TECRL: variants seen among roughly 807,000 people sequenced by gnomAD.
TECRL encodes trans-2,3-enoyl-CoA reductase like, also known as trans-2,3-enoyl-CoA reductase-like.
TECRL carries 63 observed loss-of-function variants against 52.8 expected under a neutral mutation model. The ratio of observed to expected loss-of-function variants is 1.19; its 90% CI spans 0.97 to 1.47. TECRL has a LOEUF of 1.47. TECRL is among the 40% of genes most tolerant of loss of function. TECRL has a pLI of 0.00. For synonymous variants in TECRL, 164 were observed against 141.9 expected (o/e 1.16, Z -1.10); for missense variants, 482 against 429.6 (o/e 1.12, Z -1.08).
intron 1 of TECRL, among the ~76,000 whole-genome samples, chr4:64,407,013 CAA>C (rs60278070): frequency 0.035 from 5,289 of 149,144 alleles, 112 homozygotes; most frequent in Non-Finnish European, 0.049. Flanking sequence ...AATTACTAAG[CAA>C]AAAAAAAAAA....
At chr4:64,298,932 C>A (rs1441483300) in intron 8 of TECRL, 3 of 151,102 alleles carry the variant, frequency 2.0e-5, no homozygotes, top group African/African-American at 7.3e-5. Context: ...AACGCTGTTA[C>A]AACACGTGAA....
chr4:64,335,222 TACTC>T (rs886542780), intron 2 of TECRL, among the ~76,000 whole-genome samples: 21 of 152,130 alleles, frequency 1.4e-4, no homozygotes, highest in Admixed American at 3.3e-4. Context: ...CATTCCCCAT[TACTC>T]ACATTACCGT....
At chr4:64,374,340 C>CT (rs1477526547) in intron 2 of TECRL, among the ~76,000 whole-genome samples, 2 of 150,068 alleles carry the variant, frequency 1.3e-5, no homozygotes, top group East Asian at 2.0e-4. Context: ...TTTCTATATT[C>CT]TTTTTTTTCT....
intron 9 of TECRL, 141 bp downstream of exon 9, chr4:64,289,569 T>C (rs2109945939): frequency 1.5e-6 from 1 of 657,790 alleles, no homozygotes; most frequent in East Asian, 3.3e-5. Context: ...TTGGAAAAAC[T>C]AGACATAAAA....
At chr4:64,404,287 A>G (rs1387626726) in intron 1 of TECRL, among the ~76,000 whole-genome samples, 2 of 151,300 alleles carry the variant, frequency 1.3e-5, no homozygotes, top group Non-Finnish European at 2.9e-5. Flanking sequence ...GAAAAGATTG[A>G]AGAAAATAGA....
downstream of TECRL, chr4:64,276,710 C>A (rs916773145): frequency 2.2e-5 from 4 of 184,536 alleles, no homozygotes; most frequent in South Asian, 5.9e-4. Flanking sequence ...TGGCAAAAAA[C>A]CATGAATATG....
Position 64,322,750 on chromosome 4 carries a change from G to T in TECRL, c.374C>A (p.Ala125Glu), listed in dbSNP as rs201403126. 1 of 1,612,096 alleles carries T rather than the reference G, an allele frequency of 6.2e-7. No homozygotes were observed. Among genetic ancestry groups the T allele is most frequent in the Non-Finnish European group, 8.5e-7 (1 of 1,179,046 alleles). The change falls in exon 4 of 12, where the codon GCA becomes GAA. Residue 125 changes from alanine (A) to glutamate (E), a missense_variant. Transcript: ENST00000381210. ...ATACAGTGTGACAATGGAGGAAGCT[G>T]CAATACTTTGAATGGTAATGTAGTC... Reference protein sequence around the residue: ...LKDYITIQSIAASSIVTLYAT... With the variant: ...LKDYITIQSIEASSIVTLYAT...
At position 64,314,694 on chromosome 4, in the gene TECRL, A is replaced by G; in HGVS notation, c.505T>C (p.Tyr169His). 2 of 1,613,544 alleles carry G rather than the reference A, an allele frequency of 1.2e-6. No homozygotes were observed. Among genetic ancestry groups the G allele is most frequent in the Non-Finnish European group, 8.5e-7 (1 of 1,179,816 alleles). The change falls in exon 5 of 12, where the codon TAT becomes CAT. Residue 169 changes from tyrosine (Y) to histidine (H), a missense_variant. Coordinates refer to ENST00000381210, the MANE Select transcript of TECRL (RefSeq NM_001010874.5). Reference protein sequence around the residue: ...LLFYLRIPCIYDGKESARRLR... With the variant: ...LLFYLRIPCIHDGKESARRLR... Reference sequence around the variant, plus strand: ...CTTCTAGCACTCTCTTTTCCATCATATATACATGGGATCCTCAAATAAAAG... The same window carrying G: ...CTTCTAGCACTCTCTTTTCCATCATGTATACATGGGATCCTCAAATAAAAG...
intron 2 of TECRL, among the ~76,000 whole-genome samples, chr4:64,334,963 C>T (rs563516797): frequency 1.6e-4 from 25 of 152,334 alleles, no homozygotes; most frequent in East Asian, 1.5e-3. Context: ...AGATACTATC[C>T]GCTGTGCAAG....
At position 64,340,072 on chromosome 4, in the gene TECRL, C is replaced by T. The variant is rs942200415; in HGVS notation, c.287-11516G>A. Among the ~76,000 whole-genome samples the T allele has an allele frequency of 1.4e-4, 21 of 152,194 alleles. 1 individual carries two copies. The highest frequency in any genetic ancestry group is 4.8e-4 in the African/African-American group (20 of 41,456). ...CTATACAGAGATAATTTTCCTGATA[C>T]TGATGGCAGCATCAGGTCATCTGTA... On this transcript the variant is annotated intron_variant, in intron 2 of 11. Transcript: ENST00000381210.
chr4:64,361,044 T>C (rs1006156535), intron 2 of TECRL, among the ~76,000 whole-genome samples: 1 of 144,880 alleles, frequency 6.9e-6, no homozygotes, highest in Non-Finnish European at 1.5e-5. Context: ...GCCTTCCCCA[T>C]GTGACAGGGC....
chr4:64,345,538 C>T (rs1165543960), intron 2 of TECRL, among the ~76,000 whole-genome samples: 8 of 102,144 alleles, frequency 7.8e-5, no homozygotes, highest in South Asian at 3.5e-4. Context: ...CATCACACAC[C>T]GGGGCCTGTT....
intron 5 of TECRL, among the ~76,000 whole-genome samples, chr4:64,310,588 T>C (rs1577847881): frequency 1.3e-5 from 2 of 152,208 alleles, no homozygotes; most frequent in East Asian, 3.8e-4. Flanking sequence ...TACAGCAGTA[T>C]ATTTTTCTGG....
chr4:64,284,164 T>C lies in TECRL; in HGVS notation c.833-2605A>G, dbSNP rs141478887. 7.2e-3 allele frequency among the ~76,000 whole-genome samples: 1,099 copies of C among 152,156 alleles called. 12 individuals carry two copies. Among genetic ancestry groups the C allele is most frequent in the African/African-American group, 0.025 (1,029 of 41,542 alleles). On this transcript the variant is annotated intron_variant, in intron 9 of 11. Coordinates refer to ENST00000381210, the MANE Select transcript of TECRL (RefSeq NM_001010874.5). ...GTTTTTGGAGCACTGTCCTGGAATA[T>C]AGGAGTAAATATCCCTCTAAGATTG...
Position 64,371,361 on chromosome 4 carries a change from A to G in TECRL, c.286+3811T>C, listed in dbSNP as rs1378892915. Among the ~76,000 whole-genome samples the G allele has an allele frequency of 3.3e-5, 5 of 151,074 alleles. No homozygotes were observed. The East Asian group carries it at 9.7e-4, about 29-fold the overall frequency. On this transcript the variant is annotated intron_variant, in intron 2 of 11. Coordinates refer to ENST00000381210, the MANE Select transcript of TECRL (RefSeq NM_001010874.5). Reference sequence around the variant, plus strand: ...CAATTACAATTAATTACATTTAATCAAAACCAAATAATTATAATAAACAAT... The same window carrying G: ...CAATTACAATTAATTACATTTAATCGAAACCAAATAATTATAATAAACAAT...
At chr4:64,334,793 C>A (rs1718926244) in intron 2 of TECRL, among the ~76,000 whole-genome samples, 2 of 152,252 alleles carry the variant, frequency 1.3e-5, no homozygotes, top group Non-Finnish European at 2.9e-5. Flanking sequence ...TGATACGAAG[C>A]ACAAAGCAAG....
At chr4:64,299,698 C>G (rs1723893603) in intron 8 of TECRL, among the ~76,000 whole-genome samples, 1 of 150,868 alleles carries the variant, frequency 6.6e-6, no homozygotes, top group Admixed American at 6.6e-5. Context: ...AATGTGCACA[C>G]AGTAGCATCA....
At chr4:64,305,128 C>T (rs1724253241) in intron 7 of TECRL, 38 bp downstream of exon 7, 2 of 1,487,056 alleles carry the variant, frequency 1.3e-6, no homozygotes, top group African/African-American at 2.8e-5. Flanking sequence ...TAGGTTGGTC[C>T]TTTAGTATAC....
At chr4:64,288,000 G>T (rs1395201987) in intron 9 of TECRL, among the ~76,000 whole-genome samples, 1 of 151,950 alleles carries the variant, frequency 6.6e-6, no homozygotes, top group African/African-American at 2.4e-5. Context: ...TACAAAATTA[G>T]CTGGGCATGG....
Sources: allele counts gnomAD v4.1 joint callset (sites outside exome capture counted in the v4.1 genomes callset), GRCh38; gene constraint gnomAD v4.1.1; transcripts MANE v1.5; gene names NCBI Gene and HGNC (gene_info 2026-07-23, HGNC 2026-07-21).